The following PHF24 variants were observed in gnomAD, a reference collection of about 807,000 sequenced individuals.
PHF24 encodes PHD finger protein 24.
A neutral mutation model predicts 42.6 loss-of-function variants in PHF24; 25 were observed. That is an observed-to-expected ratio of 0.59 (90% CI 0.43 to 0.82). The LOEUF (loss-of-function observed/expected upper bound fraction) is 0.82. Among genes scored for constraint, PHF24 ranks in the 40% least tolerant of loss-of-function variants. PHF24 has a pLI of 0.00. For missense variants in PHF24, 470 were observed against 538.1 expected, an observed-to-expected ratio of 0.87 and a Z score of 1.25; for synonymous variants, 185 against 204.8, an observed-to-expected ratio of 0.90 and a Z score of 0.83.
chr9:34,726,114 C>G, the PHF24 span: 1 of 1,467,324 alleles, frequency 6.8e-7, no homozygotes, highest in Admixed American at 2.1e-5. Context: ...GTGGACCATT[C>G]AGAAACCCAG....
At chr9:34,837,266 G>A in the PHF24 span, 1 of 378,194 alleles carries the variant, frequency 2.6e-6, no homozygotes. Context: ...GCCTTTCTGT[G>A]CACAGTGTAA....
chr9:34,754,901 A>G, the PHF24 span, among the ~76,000 whole-genome samples: 1 of 152,228 alleles, frequency 6.6e-6, no homozygotes, highest in Non-Finnish European at 1.5e-5. Flanking sequence ...GTCATTTGCA[A>G]CAACATGGTT....
exon 8 of PHF24, chr9:34,982,130 A>G (rs1381369667): frequency 6.6e-6 from 1 of 152,236 alleles, no homozygotes; most frequent in African/African-American, 2.4e-5. Flanking sequence ...GCCCAATCAC[A>G]TTCCAGTTTC....
the PHF24 span, among the ~76,000 whole-genome samples, chr9:34,839,196 T>A: frequency 6.6e-6 from 1 of 152,192 alleles, no homozygotes; most frequent in East Asian, 1.9e-4. Context: ...GTCCAAATCA[T>A]GGTTTTCTAG....
chr9:34,977,713 A>G (rs186054015), intron 7 of PHF24, 72 bp downstream of exon 7: 21 of 1,292,772 alleles, frequency 1.6e-5, no homozygotes, highest in East Asian at 2.5e-5. Flanking sequence ...AAGAGAGGGC[A>G]TTACCCACTC....
chr9:34,881,104 T>TG, the PHF24 span, among the ~76,000 whole-genome samples: 2 of 152,168 alleles, frequency 1.3e-5, 1 homozygote, highest in Non-Finnish European at 2.9e-5. Context: ...TGCTCCTGAA[T>TG]GACTACTGGG....
At chr9:34,728,138 T>C in the PHF24 span, 1 of 1,500,300 alleles carries the variant, frequency 6.7e-7, no homozygotes. Context: ...AGGCATCCTA[T>C]AGGAAGCTGA....
At chr9:34,952,754 A>C (rs1826293633), upstream of PHF24, among the ~76,000 whole-genome samples, 1 of 152,300 alleles carries the variant, frequency 6.6e-6, no homozygotes, top group Non-Finnish European at 1.5e-5. Flanking sequence ...ATTGAAGTAG[A>C]ATTGCCATAC....
At chr9:34,946,665 G>A in the PHF24 span, among the ~76,000 whole-genome samples, 3 of 152,272 alleles carry the variant, frequency 2.0e-5, no homozygotes, top group African/African-American at 7.2e-5. Context: ...TGATGATGAA[G>A]TTGGTGTTTT....
At chr9:34,703,211 G>A in the PHF24 span, among the ~76,000 whole-genome samples, 1 of 151,424 alleles carries the variant, frequency 6.6e-6, no homozygotes, top group Admixed American at 6.6e-5. Context: ...GTCTTGCTCT[G>A]TTGCCCAGGC....
the PHF24 span, among the ~76,000 whole-genome samples, chr9:34,771,017 G>T: frequency 6.6e-6 from 1 of 152,166 alleles, no homozygotes; most frequent in Non-Finnish European, 1.5e-5. Context: ...GGAGGCTGAG[G>T]CAGGAGAATC....
the PHF24 span, among the ~76,000 whole-genome samples, chr9:34,797,109 T>A: frequency 2.0e-5 from 3 of 152,162 alleles, no homozygotes; most frequent in African/African-American, 4.8e-5. Flanking sequence ...TGTCTCCCTC[T>A]CAGGGCGTGC....
At chr9:34,698,023 A>G in the PHF24 span, among the ~76,000 whole-genome samples, 228 of 152,318 alleles carry the variant, frequency 1.5e-3, no homozygotes, top group African/African-American at 5.2e-3. Flanking sequence ...CCATAGGAAT[A>G]TGTGGTGGTA....
intron 3 of PHF24, among the ~76,000 whole-genome samples, chr9:34,974,088 T>G (rs2132917618): frequency 6.6e-6 from 1 of 152,290 alleles, no homozygotes; most frequent in Middle Eastern, 3.4e-3. Context: ...ACTGCAGCCT[T>G]GAACTCCTAG....
At chr9:34,710,025 C>G in the PHF24 span, 1 of 1,614,088 alleles carries the variant, frequency 6.2e-7, no homozygotes, top group African/African-American at 1.3e-5. Flanking sequence ...TGCCAAAGGC[C>G]AGAACCAGGA....
At chr9:34,809,773 G>GT in the PHF24 span, among the ~76,000 whole-genome samples, 1 of 152,120 alleles carries the variant, frequency 6.6e-6, no homozygotes, top group African/African-American at 2.4e-5. This position sits in a 1 kb window ranked among gnomAD's most constrained non-coding sequence, Gnocchi z 4.1. Flanking sequence ...TTGGCCGGCT[G>GT]TTTCAGTCCC....
At chr9:34,709,266 G>A in the PHF24 span, 45 of 1,130,818 alleles carry the variant, frequency 4.0e-5, no homozygotes, top group Admixed American at 4.3e-5. Flanking sequence ...GAGAAAGAGT[G>A]TGGCAAGGCC....
At chr9:34,891,015 A>T in the PHF24 span, among the ~76,000 whole-genome samples, 1 of 152,108 alleles carries the variant, frequency 6.6e-6, no homozygotes, top group Admixed American at 6.6e-5. Flanking sequence ...TGGATTCGTG[A>T]GTGATTGCCT....
chr9:34,745,065 A>G, the PHF24 span, among the ~76,000 whole-genome samples: 1 of 152,190 alleles, frequency 6.6e-6, no homozygotes, highest in South Asian at 2.1e-4. Context: ...GATGGATGCT[A>G]AAGGAGTGCA....
Sources: allele counts gnomAD v4.1 joint callset (sites outside exome capture counted in the v4.1 genomes callset), GRCh38; gene constraint gnomAD v4.1.1; non-coding constraint Gnocchi (gnomAD v3.1); transcripts MANE v1.5; gene names NCBI Gene and HGNC (gene_info 2026-07-23, HGNC 2026-07-21).